The following ELAPOR1 variants were observed in gnomAD, a reference collection of about 807,000 sequenced individuals.
ELAPOR1 encodes the protein endosome/lysosome-associated apoptosis and autophagy regulator 1.
ELAPOR1 carries 77 observed loss-of-function variants against 119.7 expected under a neutral mutation model. The observed-to-expected ratio is 0.64, with a 90% confidence interval of 0.54 to 0.78. The LOEUF is 0.78. ELAPOR1 is among the 30% of genes least tolerant of loss of function. The probability of loss-of-function intolerance (pLI) is 0.00; values close to 1 mark genes in which losing one functional copy is unlikely to be tolerated. For synonymous variants in ELAPOR1, 481 were observed against 487.2 expected, an observed-to-expected ratio of 0.99 and a Z score of 0.17; for missense variants, 1,115 against 1,270.4, an observed-to-expected ratio of 0.88 and a Z score of 1.86.
At chr1:109,164,724 GCCCAC>G in intron 3 of ELAPOR1, 33 bp downstream of exon 3, 1 of 1,584,092 alleles carries the variant, frequency 6.3e-7, no homozygotes, top group South Asian at 1.1e-5. Flanking sequence ...CCCACCCCCA[GCCCAC>G]TGGGTAAGGG....
rs1230281415 is a variant in ELAPOR1, at chr1:109,206,671, G to A, written c.*3659G>A. On this transcript the variant is annotated 3_prime_UTR_variant, in exon 22 of 22. Coordinates refer to ENST00000369939, the MANE Select transcript of ELAPOR1 (RefSeq NM_020775.5). ...TGTGAAATCGAATTTTTTTTCATCA[G>A]GGCTGGTTGGATTTCCTTTTTACCC... is the stretch of plus-strand genomic sequence containing the variant. 1 of 151,828 alleles carries A rather than the reference G, an allele frequency of 6.6e-6. No homozygotes were observed. The highest frequency in any genetic ancestry group is 2.4e-5 in the African/African-American group (1 of 41,320). The allele number at this position is 151,828 out of a possible 1,614,324, so 9.4% of individuals were successfully genotyped here. A position where few individuals can be genotyped will look rare whatever the true frequency, so the allele number is the denominator to read the frequency against.
rs1384847320 is a variant in ELAPOR1 at position 109,115,529 on chromosome 1, T to C, written c.153+1193T>C. Among the ~76,000 whole-genome samples, 31 of 152,134 alleles carry C rather than the reference T, an allele frequency of 2.0e-4. 1 individual carries two copies. The highest frequency in any genetic ancestry group is 2.0e-3 in the Admixed American group (31 of 15,270). On this transcript the variant is annotated intron_variant, in intron 1 of 21. Coordinates refer to ENST00000369939, the MANE Select transcript of ELAPOR1 (RefSeq NM_020775.5). The stretch of plus-strand genomic sequence containing the variant: ...TCCTGGGCTCAAGCGACTTCCCACC[T>C]CGGCCTCCCAAAGTGCTGGGATTAT...
At chr1:109,170,357 T>C (rs1451080934) in intron 3 of ELAPOR1, among the ~76,000 whole-genome samples, 1 of 152,172 alleles carries the variant, frequency 6.6e-6, no homozygotes, top group East Asian at 1.9e-4. Context: ...GTATAGGTCT[T>C]ACATATTTCA....
chr1:109,198,392 A>G (rs1440123908), intron 17 of ELAPOR1, among the ~76,000 whole-genome samples, 181 bp from the exon 18 acceptor site: 1 of 152,144 alleles, frequency 6.6e-6, no homozygotes, highest in East Asian at 1.9e-4. Flanking sequence ...TTGACTACAT[A>G]TTGTTGATCC....
chr1:109,126,332 A>C (rs1255561678), intron 1 of ELAPOR1, among the ~76,000 whole-genome samples: 1 of 152,192 alleles, frequency 6.6e-6, no homozygotes, highest in African/African-American at 2.4e-5. Flanking sequence ...TAAAATAAAA[A>C]AGTGCAAGGC....
In ELAPOR1 at chr1:109,203,245, T is replaced by C. The variant is rs1351925161; in HGVS notation, c.*233T>C. 2 of 504,854 alleles carry C rather than the reference T, an allele frequency of 4.0e-6. No individual in the cohort carries two copies. The highest frequency in any genetic ancestry group is 7.1e-6 in the Non-Finnish European group (2 of 283,474). 31.3% of individuals were successfully genotyped at this position (504,854 alleles called of 1,614,324 possible). On this transcript the variant is annotated 3_prime_UTR_variant, in exon 22 of 22. Coordinates refer to ENST00000369939, the MANE Select transcript of ELAPOR1 (RefSeq NM_020775.5). ...TGTTTGTAAATTATGCCCTTGCTTG[T>C]ATCTTGTTTCCCAAAATGGCCCATC...
At chr1:109,186,769 C>T in intron 8 of ELAPOR1, 1 of 985,594 alleles carries the variant, frequency 1.0e-6, no homozygotes, top group Non-Finnish European at 1.2e-6. Flanking sequence ...GGCTGTCTTT[C>T]CTCCCTTCTG....
At chr1:109,175,911 C>T (rs1475958240) in intron 7 of ELAPOR1, among the ~76,000 whole-genome samples, 4 of 148,468 alleles carry the variant, frequency 2.7e-5, no homozygotes, top group Admixed American at 6.7e-5. Flanking sequence ...TACATTTTAA[C>T]GTATAACAAT....
In ELAPOR1 at chr1:109,200,183, G is replaced by A. The variant is rs1289770610; in HGVS notation, c.2753G>A (p.Cys918Tyr). The A allele has an allele frequency of 1.2e-6, 2 of 1,614,098 alleles. No individual in the cohort carries two copies. Among genetic ancestry groups the A allele is most frequent in the African/African-American group, 1.3e-5 (1 of 74,936 alleles). The change falls in exon 20 of 22, where the codon TGT (cysteine) becomes TAT (tyrosine). Residue 918 changes from cysteine to tyrosine, a missense_variant. By Grantham distance (194) the Cys-to-Tyr change is radical. Transcript: ENST00000369939. The stretch of plus-strand genomic sequence containing the variant: ...AAAGTGGGCATCTCTGCAGGCACCT[G>A]TACTGCCATCCTGCTCACCGTCTTG... ...WLKVGISAGT[C>Y]TAILLTVLTC...
chr1:109,146,872 T>TGGGACTGCAGGTGTAAGCC (rs771366633), intron 1 of ELAPOR1, among the ~76,000 whole-genome samples: 6 of 152,026 alleles, frequency 3.9e-5, no homozygotes, highest in Non-Finnish European at 7.4e-5. Flanking sequence ...CTCAGGTAGC[T>TGGGACTGCAGGTGTAAGCC]GGGACTGCAG....
At chr1:109,190,613 C>A (rs181873227) in intron 11 of ELAPOR1, among the ~76,000 whole-genome samples, 50 of 152,262 alleles carry the variant, frequency 3.3e-4, no homozygotes, top group African/African-American at 1.1e-3. Flanking sequence ...TCAGAGCTAG[C>A]CAGATGAATG....
chr1:109,196,401 A>G (rs916984016), intron 15 of ELAPOR1, among the ~76,000 whole-genome samples: 2 of 152,220 alleles, frequency 1.3e-5, no homozygotes, highest in African/African-American at 2.4e-5. Flanking sequence ...ACAGGTCATG[A>G]TCACTTAGGA....
At chr1:109,120,567 C>A (rs998908409) in intron 1 of ELAPOR1, among the ~76,000 whole-genome samples, 6 of 152,102 alleles carry the variant, frequency 3.9e-5, no homozygotes, top group Admixed American at 1.3e-4. Context: ...GAGCTGTGAG[C>A]AATCAATATC....
At chr1:109,129,518 A>G (rs1196197290) in intron 1 of ELAPOR1, among the ~76,000 whole-genome samples, 1 of 152,232 alleles carries the variant, frequency 6.6e-6, no homozygotes, top group Non-Finnish European at 1.5e-5. Flanking sequence ...TCTCAAAAAA[A>G]CCAACGAAAC....
chr1:109,203,069 C>A lies in ELAPOR1; in HGVS notation c.*57C>A. On this transcript the variant is annotated 3_prime_UTR_variant, in exon 22 of 22. Transcript: ENST00000369939. ...CTTGCATAGCACCTTTGCAAGCCTG[C>A]GGCGATTTGGGTGCCAGCATCCTGC... 5 of 1,255,092 alleles carry A rather than the reference C, an allele frequency of 4.0e-6. No individual in the cohort carries two copies. Among genetic ancestry groups the A allele is most frequent in the Non-Finnish European group, 4.6e-6 (4 of 869,368 alleles). 77.7% of individuals were successfully genotyped at this position (1,255,092 alleles called of 1,614,324 possible).
chr1:109,140,383 G>A (rs540831368), intron 1 of ELAPOR1, among the ~76,000 whole-genome samples: 1 of 152,326 alleles, frequency 6.6e-6, no homozygotes, highest in African/African-American at 2.4e-5. Flanking sequence ...AGACTGAAGA[G>A]GTAAGCAGAG....
chr1:109,124,004 T>C (rs1414031454), intron 1 of ELAPOR1, among the ~76,000 whole-genome samples: 2 of 152,116 alleles, frequency 1.3e-5, no homozygotes, highest in Non-Finnish European at 2.9e-5. Context: ...GGTTTCACCA[T>C]GTTGCCCAGG....
At chr1:109,116,154 A>C (rs1230619583) in intron 1 of ELAPOR1, among the ~76,000 whole-genome samples, 4 of 152,248 alleles carry the variant, frequency 2.6e-5, no homozygotes, top group Non-Finnish European at 5.9e-5. Flanking sequence ...CTTGTGTACG[A>C]ATTTTGCCTT....
At chr1:109,126,080 A>G (rs1388291579) in intron 1 of ELAPOR1, among the ~76,000 whole-genome samples, 1 of 152,206 alleles carries the variant, frequency 6.6e-6, no homozygotes, top group Non-Finnish European at 1.5e-5. Flanking sequence ...AACCATTCCA[A>G]TCGACTTGCA....
Sources: allele counts gnomAD v4.1 joint callset (sites outside exome capture counted in the v4.1 genomes callset), GRCh38; gene constraint gnomAD v4.1.1; transcripts MANE v1.5; gene names NCBI Gene and HGNC (gene_info 2026-07-23, HGNC 2026-07-21).